NPR3: variants seen among roughly 807,000 people sequenced by gnomAD.
NPR3 encodes natriuretic peptide receptor 3, also known as atrial natriuretic peptide receptor 3.
Under a neutral mutation model 54.5 loss-of-function variants are expected in NPR3, and 34 were observed. The observed-to-expected ratio is 0.62, with a 90% CI of 0.47 to 0.83. The LOEUF is 0.83. Among genes scored for constraint, NPR3 ranks in the 40% least tolerant of loss-of-function variants. The pLI is 0.00. For missense variants in NPR3, 674 were observed against 720.8 expected (o/e 0.94, Z 0.74); for synonymous variants, 289 against 297.1 (o/e 0.97, Z 0.28).
In NPR3 at chr5:32,740,184, C is replaced by T. The variant is rs1282909924; in HGVS notation, c.1059+1154C>T. 3.3e-5 allele frequency among the ~76,000 whole-genome samples: 5 copies of T among 152,384 alleles called. No individual in the cohort carries two copies. In the Middle Eastern group the frequency reaches 0.01, roughly 311 times the overall value. ...TCTCTACTTGAGGTACCACAGAGTA[C>T]TGGCATTGGCCTCAGAGCTGCCTTC... On this transcript the variant is annotated intron_variant, in intron 3 of 7. Transcript: ENST00000265074.
chr5:32,766,957 C>T (rs1414615690), intron 3 of NPR3, among the ~76,000 whole-genome samples: 1 of 152,188 alleles, frequency 6.6e-6, no homozygotes, highest in South Asian at 2.1e-4. Flanking sequence ...TGTTGTCTTA[C>T]GTACTGTTTT....
chr5:32,694,648 G>A (rs767232295), intron 1 of NPR3, among the ~76,000 whole-genome samples: 32 of 151,856 alleles, frequency 2.1e-4, no homozygotes, highest in Middle Eastern at 3.4e-3. Flanking sequence ...TAATCACATC[G>A]GGTGAATGGG....
At position 32,711,728 on chromosome 5, in the gene NPR3, G is replaced by C; in HGVS notation, c.-49G>C. On this transcript the variant is annotated 5_prime_UTR_variant, in exon 1 of 8. Transcript: ENST00000265074. ...AGGAAAGAGGAAGGGTGGGTGGGGG[G>C]CAGAGGGCGAGTCGGCGGCGGCGAG... is the stretch of plus-strand genomic sequence containing the variant. 7.1e-7 allele frequency: 1 copy of C among 1,410,556 alleles called. No homozygotes were observed. 87.4% of individuals were successfully genotyped at this position (1,410,556 alleles called of 1,614,324 possible).
upstream of NPR3, chr5:32,710,575 G>A: frequency 7.3e-7 from 1 of 1,372,962 alleles, no homozygotes. Context: ...GCGCAAACCT[G>A]CGTGGCCCAG....
At position 32,753,585 on chromosome 5, in the gene NPR3, C is replaced by T. The variant is rs573134141; in HGVS notation, c.1059+14555C>T. Among the ~76,000 whole-genome samples, 3 of 151,190 alleles carry T rather than the reference C, an allele frequency of 2.0e-5. No homozygotes were observed. The East Asian group carries it at 5.8e-4, about 29-fold the overall frequency. On this transcript the variant is annotated intron_variant, in intron 3 of 7. Coordinates refer to ENST00000265074, the MANE Select transcript of NPR3 (RefSeq NM_001204375.2). The stretch of plus-strand genomic sequence containing the variant: ...CCTTTTTTTTTTCTGCCTTTCTCAC[C>T]CCTTCCAATGCCTCTGAGCACCTCA...
intron 2 of NPR3, among the ~76,000 whole-genome samples, chr5:32,736,958 G>A (rs916415145): frequency 6.6e-6 from 1 of 152,134 alleles, no homozygotes. Flanking sequence ...GCTATTATTA[G>A]GATTATGATT....
At chr5:32,695,868 T>C (rs1003007228) in intron 1 of NPR3, among the ~76,000 whole-genome samples, 3 of 152,228 alleles carry the variant, frequency 2.0e-5, no homozygotes, top group Non-Finnish European at 2.9e-5. Flanking sequence ...TTAAATCACA[T>C]AATTAGATAT....
At chr5:32,722,977 C>T (rs185573597) in intron 1 of NPR3, among the ~76,000 whole-genome samples, 1 of 152,154 alleles carries the variant, frequency 6.6e-6, no homozygotes, top group East Asian at 1.9e-4. Flanking sequence ...TACACCGAGC[C>T]CTTTTGGGGT....
rs1470296243 is a variant in NPR3 at position 32,774,768 on chromosome 5, G to A, written c.1120G>A (p.Glu374Lys). Residue 374 changes from glutamate to lysine, a missense_variant, in exon 4 of 8, where the codon GAA becomes AAA. Transcript: ENST00000265074. Reference protein sequence around the residue: ...AILLYVLALHEVLRAGYSKKD... With the variant: ...AILLYVLALHKVLRAGYSKKD... ...CCTCCTCTACGTCTTGGCTCTACAT[G>A]AAGTACTCAGAGCTGGTTACAGCAA... 14 of 1,600,350 alleles carry A rather than the reference G, an allele frequency of 8.7e-6. No individual in the cohort carries two copies. Among genetic ancestry groups the A allele is most frequent in the Non-Finnish European group, 1.2e-5 (14 of 1,167,568 alleles).
chr5:32,780,086 G>A (rs1352603983), intron 4 of NPR3, among the ~76,000 whole-genome samples: 1 of 152,228 alleles, frequency 6.6e-6, no homozygotes, highest in East Asian at 1.9e-4. Flanking sequence ...CTCTAGAGCA[G>A]AGAATGTGTT....
chr5:32,725,586 A>G (rs1739098709), intron 2 of NPR3, among the ~76,000 whole-genome samples: 1 of 152,226 alleles, frequency 6.6e-6, no homozygotes, highest in Non-Finnish European at 1.5e-5. Flanking sequence ...CATCATGATC[A>G]GAATAATTTC....
chr5:32,782,758 G>A (rs1288340355), intron 5 of NPR3, 135 bp from the exon 6 acceptor site: 3 of 807,574 alleles, frequency 3.7e-6, no homozygotes, highest in Non-Finnish European at 5.8e-6. Flanking sequence ...CCCTGGAGAC[G>A]GTGATTTGAT....
rs1024802849 is a variant in NPR3, at chr5:32,711,566, C to CTTTTTCTT, written c.-206_-205insCTTTTTTT. ...CGGTGAACTTTTTCTTTTTCTTTTT[C>CTTTTTCTT]TTTTTTTTTTAAGAAAAACTAGTGA... On this transcript the variant is annotated 5_prime_UTR_variant, in exon 1 of 8. Transcript: ENST00000265074. 31 of 1,120,824 alleles carry CTTTTTCTT rather than the reference C, an allele frequency of 2.8e-5. No individual in the cohort carries two copies. The highest frequency in any genetic ancestry group is 2.1e-4 in the African/African-American group (13 of 61,146). The allele number at this position is 1,120,824 out of a possible 1,614,324, so 69.4% of individuals were successfully genotyped here.
upstream of NPR3, among the ~76,000 whole-genome samples, chr5:32,707,863 T>C (rs779215647): frequency 3.3e-5 from 5 of 152,190 alleles, no homozygotes; most frequent in Admixed American, 6.5e-5. Flanking sequence ...ATATTAATGC[T>C]GTCTTTCCTG....
Position 32,786,242 on chromosome 5 carries a change from AC to A in NPR3, c.1524del (p.Tyr508Ter), listed in dbSNP as rs753386861. On this transcript the variant is annotated frameshift_variant, in exon 8 of 8. Transcript: ENST00000265074. LOFTEE classifies it high-confidence loss of function. ...LMAFYFFRKK[Y>X]RITIERRTQQ... ...ACTTTCCCTTTACCCAGGAAGAAAT[AC>A]AGAATAACCATTGAGAGGCGAACCC... 1.4e-6 allele frequency: 2 copies of A among 1,416,726 alleles called. No individual in the cohort carries two copies. Among genetic ancestry groups the A allele is most frequent in the Non-Finnish European group, 2.0e-6 (2 of 1,016,436 alleles). The allele number at this position is 1,416,726 out of a possible 1,614,324, so 87.8% of individuals were successfully genotyped here.
chr5:32,760,017 T>G (rs1741072492), intron 3 of NPR3, among the ~76,000 whole-genome samples: 1 of 152,202 alleles, frequency 6.6e-6, no homozygotes, highest in Non-Finnish European at 1.5e-5. Flanking sequence ...TACCCGACTT[T>G]TCTCTGTGGC....
At chr5:32,725,475 T>A (rs1269287514) in intron 2 of NPR3, among the ~76,000 whole-genome samples, 1 of 152,208 alleles carries the variant, frequency 6.6e-6, no homozygotes, top group Non-Finnish European at 1.5e-5. Context: ...TGTCTGGGTA[T>A]GAGCGTAGCC....
chr5:32,757,202 C>A (rs144735527), intron 3 of NPR3, among the ~76,000 whole-genome samples: 4,227 of 152,254 alleles, frequency 0.028, 74 homozygotes, highest in Middle Eastern at 0.088. Context: ...GGCAGTGTGG[C>A]CATTTTCACG....
At chr5:32,771,319 C>A (rs1741749219) in intron 3 of NPR3, among the ~76,000 whole-genome samples, 1 of 152,160 alleles carries the variant, frequency 6.6e-6, no homozygotes, top group African/African-American at 2.4e-5. Flanking sequence ...GGGAGACACT[C>A]AGCCACCCTG....
Sources: gnomAD v4.1 joint callset for allele counts (sites outside exome capture counted in the v4.1 genomes callset) on GRCh38, gnomAD v4.1.1 for gene constraint, MANE v1.5 for transcripts, NCBI Gene and HGNC (gene_info 2026-07-23, HGNC 2026-07-21) for gene names.